Variants in MCF2 observed in about 807,000 individuals in gnomAD.
The protein encoded by MCF2 is proto-oncogene DBL.
A neutral mutation model predicts 82.5 loss-of-function variants in MCF2; 44 were observed. That is an observed-to-expected ratio of 0.53 (90% CI 0.42 to 0.69). The LOEUF is 0.69. Ranked by LOEUF, MCF2 falls within the 30% of genes least tolerant of loss-of-function variation. The pLI is 0.00. For synonymous variants in MCF2, 217 were observed against 224.9 expected (o/e 0.96, Z 0.32); for missense variants, 623 against 663.1 (o/e 0.94, Z 0.66).
chrX:139,588,574 TTTGA>T (rs1461270988), intron 20 of MCF2, 136 bp from the exon 25 acceptor site: 3 of 399,231 alleles, frequency 7.5e-6, no homozygotes, highest in East Asian at 4.0e-5. Context: ...ATCTTAACCG[TTTGA>T]TTGTTAAAAT....
rs1185113240 is a variant in MCF2 at position 139,622,036 on chromosome X, A to G, written c.688-2330T>C. Among the ~76,000 whole-genome samples the G allele has an allele frequency of 4.5e-5, 5 of 111,970 alleles. No homozygotes were observed. The East Asian group carries it at 1.4e-3, about 31-fold the overall frequency. ...ATGAACTCAAACAAATTTACAAGAA[A>G]AAAACAAACAACCCCATCAAAAAGT... On this transcript the variant is annotated intron_variant, in intron 6 of 24. Coordinates refer to ENST00000370576, the Ensembl canonical transcript of MCF2.
exon 14 of MCF2, chrX:139,604,968 A>G: frequency 8.7e-7 from 1 of 1,155,047 alleles, no homozygotes; most frequent in Non-Finnish European, 1.2e-6. Context: ...TGGATTATCC[A>G]TCTCCGCTCT....
chrX:139,691,497 C>G (rs4824992), intron 1 of MCF2, among the ~76,000 whole-genome samples: 19,503 of 110,998 alleles, frequency 0.18, 1,275 homozygotes, highest in South Asian at 0.28. Context: ...GGGGACGCAC[C>G]AAAGTGGGTG....
At chrX:139,674,281 CCTGT>C (rs1934797809) in intron 1 of MCF2, among the ~76,000 whole-genome samples, 2 of 111,717 alleles carry the variant, frequency 1.8e-5, no homozygotes, top group African/African-American at 6.5e-5. Flanking sequence ...ATCCAATTTG[CCTGT>C]CTGTGTCTTT....
At chrX:139,638,462 C>T (rs959407529) in intron 1 of MCF2, among the ~76,000 whole-genome samples, 2 of 111,302 alleles carry the variant, frequency 1.8e-5, no homozygotes, top group Non-Finnish European at 3.8e-5. Context: ...TCCTATATGA[C>T]GAGGAGCAAC....
At position 139,692,282 on chromosome X, in the gene MCF2, T is replaced by A; in HGVS notation, c.-45+15824A>T. 3 of 350,811 alleles carry A rather than the reference T, an allele frequency of 8.6e-6. No homozygotes were observed. In the South Asian group the frequency reaches 1.1e-4, roughly 13 times the overall value. 28.9% of individuals were successfully genotyped at this position (350,811 alleles called of 1,213,427 possible). On this transcript the variant is annotated intron_variant, in intron 1 of 27. Transcript: ENST00000414978. ...GGGCACTCAGGCACTGCCGGAGGGG[T>A]ACAGCCCCTGGCCCCGCTCAGCCCA...
At chrX:139,592,209 C>T (rs1929579349) in intron 19 of MCF2, among the ~76,000 whole-genome samples, 1 of 111,711 alleles carries the variant, frequency 9.0e-6, no homozygotes, top group Admixed American at 9.5e-5. Context: ...AAAGAAGAAT[C>T]AGAAAGATTT....
chrX:139,676,349 A>G (rs893191718), intron 1 of MCF2, among the ~76,000 whole-genome samples: 5 of 112,153 alleles, frequency 4.5e-5, no homozygotes, highest in African/African-American at 1.6e-4. Context: ...AACAAGTCCC[A>G]GTGAGATGAA....
intron 1 of MCF2, among the ~76,000 whole-genome samples, chrX:139,680,747 A>T (rs904090806): frequency 6.2e-5 from 7 of 112,554 alleles, no homozygotes; most frequent in African/African-American, 1.9e-4. Flanking sequence ...ATATCCATGT[A>T]GACGTGACTA....
chrX:139,606,756 C>G (rs1160980145), intron 12 of MCF2, among the ~76,000 whole-genome samples: 2 of 111,667 alleles, frequency 1.8e-5, no homozygotes, highest in Non-Finnish European at 3.8e-5. Context: ...ACTCATTTCC[C>G]TTGTCCCCAG....
At chrX:139,686,202 A>G (rs1935120054) in intron 1 of MCF2, among the ~76,000 whole-genome samples, 1 of 111,398 alleles carries the variant, frequency 9.0e-6, no homozygotes, top group African/African-American at 3.3e-5. Flanking sequence ...CCCTTTGAAA[A>G]CTGGCACAAG....
intron 8 of MCF2, 150 bp from the exon 12 acceptor site, chrX:139,616,623 T>C (rs1479427442): frequency 3.1e-6 from 1 of 325,711 alleles, no homozygotes; most frequent in Non-Finnish European, 5.4e-6. Flanking sequence ...ATCTGGGTTC[T>C]GCCCCCAGAA....
At chrX:139,667,360 G>A (rs1434303743) in intron 1 of MCF2, among the ~76,000 whole-genome samples, 1 of 110,543 alleles carries the variant, frequency 9.0e-6, no homozygotes, top group Non-Finnish European at 1.9e-5. Context: ...CTCCTGCCTT[G>A]GCCTCCCAAA....
intron 1 of MCF2, among the ~76,000 whole-genome samples, chrX:139,660,909 C>T (rs1357767017): frequency 9.0e-6 from 1 of 111,548 alleles, no homozygotes; most frequent in South Asian, 3.8e-4. Context: ...AAACAGAGTT[C>T]CTCACCTCAC....
intron 1 of MCF2, among the ~76,000 whole-genome samples, chrX:139,654,468 GC>G (rs1414560190): frequency 8.9e-6 from 1 of 111,821 alleles, no homozygotes; most frequent in Non-Finnish European, 1.9e-5. Flanking sequence ...CAGATCTTTT[GC>G]CCATTTTATA....
chrX:139,703,423 G>GA (rs1477184750), intron 1 of MCF2, among the ~76,000 whole-genome samples: 1 of 111,599 alleles, frequency 9.0e-6, no homozygotes, highest in African/African-American at 3.3e-5. Flanking sequence ...GAATCCAGGA[G>GA]AAAAAAAGAA....
At chrX:139,614,613 G>C (rs2148455507) in intron 10 of MCF2, among the ~76,000 whole-genome samples, 1 of 110,081 alleles carries the variant, frequency 9.1e-6, no homozygotes, top group East Asian at 2.9e-4. Flanking sequence ...GTTTGATGCT[G>C]GTAAAATTTT....
At chrX:139,587,128 G>A (rs1238455865) in intron 22 of MCF2, among the ~76,000 whole-genome samples, 3 of 111,653 alleles carry the variant, frequency 2.7e-5, no homozygotes, top group African/African-American at 6.5e-5. Context: ...CTCTGTGCCA[G>A]GCCTTCAGAA....
At chrX:139,601,174 C>G (rs1424717767) in intron 16 of MCF2, among the ~76,000 whole-genome samples, 2 of 110,998 alleles carry the variant, frequency 1.8e-5, no homozygotes, top group Non-Finnish European at 3.8e-5. Context: ...AATATCCGTA[C>G]AACAGAAATT....
Sources: gnomAD v4.1 joint callset for allele counts (sites outside exome capture counted in the v4.1 genomes callset) on GRCh38, gnomAD v4.1.1 for gene constraint, MANE v1.5 for transcripts, NCBI Gene and HGNC (gene_info 2026-07-23, HGNC 2026-07-21) for gene names.